The following SMIM29 variants were observed in gnomAD, a reference collection of about 807,000 sequenced individuals.
SMIM29 encodes small integral membrane protein 29.
Under a neutral mutation model 12.9 loss-of-function variants are expected in SMIM29, and 4 were observed. That is an observed-to-expected ratio of 0.31 (90% CI 0.15 to 0.71). The LOEUF is 0.71. SMIM29 is among the 30% of genes least tolerant of loss of function. The pLI is 0.70. For missense variants in SMIM29, 122 were observed against 138.1 expected, an observed-to-expected ratio of 0.88 and a Z score of 0.58; for synonymous variants, 50 against 52.0, an observed-to-expected ratio of 0.96 and a Z score of 0.17.
chr6:34,246,401 C>CA lies in SMIM29; in HGVS notation c.*401dup. 1 of 1,249,714 alleles carries CA rather than the reference C, an allele frequency of 8.0e-7. No homozygotes were observed. Among genetic ancestry groups the CA allele is most frequent in the South Asian group, 2.0e-5 (1 of 49,804 alleles). The allele number at this position is 1,249,714 out of a possible 1,614,324, so 77.4% of individuals were successfully genotyped here. On this transcript the variant is annotated 3_prime_UTR_variant, in exon 5 of 5. Transcript: ENST00000476320. ...TTGATGAAATCAAAACCCCTAGCCA[C>CA]AAAACATTTTATTTACAAAATATAT...
chr6:34,247,745 G>A lies in SMIM29; in HGVS notation c.47C>T (p.Ser16Phe), dbSNP rs1762861085. 7.3e-7 allele frequency: 1 copy of A among 1,362,182 alleles called. No homozygotes were observed. The allele number at this position is 1,362,182 out of a possible 1,614,324, so 84.4% of individuals were successfully genotyped here. A position where few individuals can be genotyped will look rare whatever the true frequency, so the allele number is the denominator to read the frequency against. ...VPNAPQANSD[S>F]MVGYVLGPFF... ...GGGCCCCAACACATAGCCCACCATGGAGTCGCTGTTGGCCTGGGGGGCATT... is the reference window on the plus strand; with the variant it reads ...GGGCCCCAACACATAGCCCACCATGAAGTCGCTGTTGGCCTGGGGGGCATT... The change falls in exon 2 of 5, where the codon TCC becomes TTC. Residue 16 changes from serine to phenylalanine, a missense_variant. Transcript: ENST00000476320.
chr6:34,248,354 A>G lies in SMIM29; in HGVS notation c.-73-490T>C, dbSNP rs1473328072. 5 of 985,324 alleles carry G rather than the reference A, an allele frequency of 5.1e-6. No homozygotes were observed. The Admixed American group carries it at 2.5e-4, about 48-fold the overall frequency. 61.0% of individuals were successfully genotyped at this position (985,324 alleles called of 1,614,324 possible). On this transcript the variant is annotated intron_variant, in intron 1 of 4. Transcript: ENST00000476320. ...AATCCCACTTCAAGCGATGGGCTCCATGCCTGAGTTCTATGCCCTTGTCCC... is the reference window on the plus strand; with the variant it reads ...AATCCCACTTCAAGCGATGGGCTCCGTGCCTGAGTTCTATGCCCTTGTCCC...
At chr6:34,248,596 G>A in intron 1 of SMIM29, 1 of 985,580 alleles carries the variant, frequency 1.0e-6, no homozygotes, top group Non-Finnish European at 1.2e-6. Context: ...CAAAGAGATC[G>A]TCCTGGGGCA....
chr6:34,248,691 T>C, intron 1 of SMIM29: 3 of 985,530 alleles, frequency 3.0e-6, no homozygotes, highest in Non-Finnish European at 3.6e-6. Context: ...CCTACCCCCG[T>C]GTCCGTAGGG....
rs1413479769 is a variant in SMIM29, at chr6:34,247,669, AG to A, written c.111+11del. 2.5e-5 allele frequency: 35 copies of A among 1,419,998 alleles called. No homozygotes were observed. The East Asian group carries it at 7.2e-4, about 29-fold the overall frequency. The allele number at this position is 1,419,998 out of a possible 1,614,324, so 88.0% of individuals were successfully genotyped here. On this transcript the variant is annotated intron_variant, in intron 2 of 4. Coordinates refer to ENST00000476320, the MANE Select transcript of SMIM29 (RefSeq NM_001008703.4). ...AGCTGTGGGTGTCTGTGTGTATATG[AG>A]GGCTCCTTACCACAGCCACCACCAC...
At chr6:34,248,912 A>G (rs2127552851) in intron 1 of SMIM29, 67 bp downstream of exon 1, 2 of 985,650 alleles carry the variant, frequency 2.0e-6, no homozygotes, top group South Asian at 9.4e-5. Flanking sequence ...ACATCCTGGA[A>G]GCCCGTCACC....
chr6:34,248,474 C>G (rs1307457389), intron 1 of SMIM29: 6 of 983,470 alleles, frequency 6.1e-6, no homozygotes, highest in Non-Finnish European at 7.2e-6. Context: ...ATTGTATCTT[C>G]AAGATGATGT....
Position 34,247,073 on chromosome 6 carries a change from C to G in SMIM29, c.214G>C (p.Glu72Gln). The G allele has an allele frequency of 6.2e-7, 1 of 1,614,136 alleles. No individual in the cohort carries two copies. The highest frequency in any genetic ancestry group is 8.5e-7 in the Non-Finnish European group (1 of 1,180,028). The change falls in exon 4 of 5, where the codon GAG becomes CAG. Residue 72 changes from glutamate to glutamine, a missense_variant. Coordinates refer to ENST00000476320, the MANE Select transcript of SMIM29 (RefSeq NM_001008703.4). ...GGGTCTCCCATGTCAGAGAGCAGCT[C>G]CTGCTCAGCCTCATGCAGTTCCTCA... ...PAEELHEAEQELLSDMGDPKV... is the reference protein window; with the variant it reads ...PAEELHEAEQQLLSDMGDPKV...
At position 34,248,808 on chromosome 6, in the gene SMIM29, GCAA is replaced by G. The variant is rs1482049307; in HGVS notation, c.-74+168_-74+170del. On this transcript the variant is annotated intron_variant, in intron 1 of 4. Transcript: ENST00000476320. ...CAGGCCGCTGCTAGGATGCGGGCCA[GCAA>G]CAGCGGACAGGAGGTGGTTCCCACG... 8 of 985,698 alleles carry G rather than the reference GCAA, an allele frequency of 8.1e-6. No homozygotes were observed. In the African/African-American group the frequency reaches 1.4e-4, roughly 17 times the overall value. 61.1% of individuals were successfully genotyped at this position (985,698 alleles called of 1,614,324 possible).
rs1353564802 is a variant in SMIM29, at chr6:34,247,488, A to G, written c.116T>C (p.Met39Thr). 5.7e-6 allele frequency: 9 copies of G among 1,577,544 alleles called. No individual in the cohort carries two copies. The highest frequency in any genetic ancestry group is 2.3e-5 in the East Asian group (1 of 43,664). Reference sequence around the variant, plus strand: ...TCACCGCTTTTTCTTCTGTACATACATTACCTGCAACAGAGACACAGCACT... The same window carrying G: ...TCACCGCTTTTTCTTCTGTACATACGTTACCTGCAACAGAGACACAGCACT... ...TLVGVVVAVV[M>T]YVQKKKRVDR... The change falls in exon 3 of 5, where the codon ATG (methionine) becomes ACG (threonine). Residue 39 changes from methionine (M) to threonine (T), a missense_variant. Met to Thr is a moderately conservative substitution (Grantham distance 81). Coordinates refer to ENST00000476320, the MANE Select transcript of SMIM29 (RefSeq NM_001008703.4).
intron 1 of SMIM29, chr6:34,248,469 A>G (rs953490648): frequency 3.1e-6 from 3 of 983,040 alleles, no homozygotes; most frequent in South Asian, 4.7e-5. Flanking sequence ...GCTGGATTGT[A>G]TCTTCAAGAT....
chr6:34,247,953 T>C (rs1762871470), intron 1 of SMIM29, 89 bp from the exon 2 acceptor site: 3 of 1,233,418 alleles, frequency 2.4e-6, no homozygotes, highest in Non-Finnish European at 3.0e-6. Flanking sequence ...CTATGAAAAC[T>C]GGTCCCAGGT....
In SMIM29 at chr6:34,246,628, G is replaced by A. The variant is rs1762778269; in HGVS notation, c.*175C>T. On this transcript the variant is annotated 3_prime_UTR_variant, in exon 5 of 5. Transcript: ENST00000476320. ...CACCCACAAAGGGCAGAAGGCCTGG[G>A]GGCAGTGAGGTGATGGTGAGGGCAT... The A allele has an allele frequency of 1.9e-6, 3 of 1,613,976 alleles. No homozygotes were observed. Among genetic ancestry groups the A allele is most frequent in the Non-Finnish European group, 2.5e-6 (3 of 1,179,976 alleles).
Position 34,247,466 on chromosome 6 carries a change from C to A in SMIM29, c.137+1G>T. 6.3e-7 allele frequency: 1 copy of A among 1,578,870 alleles called. No homozygotes were observed. Among genetic ancestry groups the A allele is most frequent in the Non-Finnish European group, 8.6e-7 (1 of 1,161,488 alleles). On this transcript the variant is annotated splice_donor_variant, in intron 3 of 4. Transcript: ENST00000476320. LOFTEE classifies it high-confidence loss of function. The stretch of plus-strand genomic sequence containing the variant: ...GGCGGGTGGGGGACAGGGACACTCA[C>A]CGCTTTTTCTTCTGTACATACATTA...
Position 34,248,650 on chromosome 6 carries a change from G to C in SMIM29, c.-74+329C>G, listed in dbSNP as rs941611331. 5.1e-6 allele frequency: 5 copies of C among 985,520 alleles called. No homozygotes were observed. In the African/African-American group the frequency reaches 8.7e-5, roughly 17 times the overall value. The allele number at this position is 985,520 out of a possible 1,614,324, so 61.0% of individuals were successfully genotyped here. ...CAAGGTCCGCGACCCAGGTTCGCTT[G>C]AGTCTCTATCAGAGGGCAAGGTATG... On this transcript the variant is annotated intron_variant, in intron 1 of 4. Transcript: ENST00000476320.
rs993052144 is a variant in SMIM29 at position 34,246,787 on chromosome 6, G to T, written c.*16C>A. 2 of 1,613,120 alleles carry T rather than the reference G, an allele frequency of 1.2e-6. No individual in the cohort carries two copies. Among genetic ancestry groups the T allele is most frequent in the Non-Finnish European group, 1.7e-6 (2 of 1,180,004 alleles). On this transcript the variant is annotated 3_prime_UTR_variant, in exon 5 of 5. Transcript: ENST00000476320. ...CCAGGACCCCAGGCTCTGAAGGGTG[G>T]GGCAAGGGGGTCAGGTCACGTCTTG...
chr6:34,247,427 G>T (rs1762842773), intron 3 of SMIM29, 40 bp downstream of exon 3: 1 of 1,562,294 alleles, frequency 6.4e-7, no homozygotes, highest in East Asian at 2.3e-5. Context: ...ATTTCAGAAC[G>T]GGTGTGGGGT....
intron 3 of SMIM29, 98 bp downstream of exon 3, chr6:34,247,369 G>A: frequency 9.9e-6 from 15 of 1,517,410 alleles, no homozygotes; most frequent in Non-Finnish European, 1.3e-5. Flanking sequence ...GCTTGTATCA[G>A]GATGGCTGAG....
chr6:34,246,988 G>C, intron 4 of SMIM29, 56 bp downstream of exon 4: 1 of 1,612,394 alleles, frequency 6.2e-7, no homozygotes, highest in Non-Finnish European at 8.5e-7. Flanking sequence ...AGTATGGCTG[G>C]GAACAGGGCT....
Sources: allele counts gnomAD v4.1 joint callset, GRCh38; gene constraint gnomAD v4.1.1; transcripts MANE v1.5; gene names NCBI Gene and HGNC (gene_info 2026-07-23, HGNC 2026-07-21).